Variants in SSBP3 observed in about 807,000 individuals in gnomAD.
SSBP3 encodes single-stranded DNA-binding protein 3.
Under a neutral mutation model 69.6 loss-of-function variants are expected in SSBP3, and 5 were observed. That is an observed-to-expected ratio of 0.07 (90% CI 0.04 to 0.15). The LOEUF (loss-of-function observed/expected upper bound fraction) is 0.15. Among genes scored for constraint, SSBP3 ranks in the 10% least tolerant of loss-of-function variants. The probability of loss-of-function intolerance (pLI) is 1.00; values close to 1 mark genes in which losing one functional copy is unlikely to be tolerated. For missense variants in SSBP3, 312 were observed against 534.0 expected, an observed-to-expected ratio of 0.58 and a Z score of 4.10; for synonymous variants, 196 against 193.4, an observed-to-expected ratio of 1.01 and a Z score of -0.11.
At chr1:54,409,492 G>C (rs1375655163), upstream of SSBP3, among the ~76,000 whole-genome samples, 1 of 152,020 alleles carries the variant, frequency 6.6e-6, no homozygotes, top group Non-Finnish European at 1.5e-5. Flanking sequence ...CAGGCACCAG[G>C]AGCCCCCAGG....
rs1413303720 is a variant in SSBP3, at chr1:54,235,288, T to G, written c.927+3841A>C. 7.1e-3 allele frequency among the ~76,000 whole-genome samples: 741 copies of G among 105,062 alleles called. 4 individuals carry two copies. Among genetic ancestry groups the G allele is most frequent in the African/African-American group, 0.025 (709 of 28,694 alleles). The allele number at this position is 105,062 out of a possible 152,430, so 68.9% of individuals were successfully genotyped here. On this transcript the variant is annotated intron_variant, in intron 14 of 17. Transcript: ENST00000610401. Reference sequence around the variant, plus strand: ...AAGATGTCCAGTTTTTTTTTTTTTTTTTTTTTTTTTTGAGACAGAGTCTCA... The same window carrying G: ...AAGATGTCCAGTTTTTTTTTTTTTTGTTTTTTTTTTTGAGACAGAGTCTCA...
At chr1:54,262,974 C>CT (rs1645041137) in intron 5 of SSBP3, among the ~76,000 whole-genome samples, 1 of 152,218 alleles carries the variant, frequency 6.6e-6, no homozygotes, top group Admixed American at 6.5e-5. Context: ...CCCAAGATCT[C>CT]TGAGTGGAGA....
At chr1:54,241,757 G>C (rs1243937680) in intron 11 of SSBP3, among the ~76,000 whole-genome samples, 1 of 152,218 alleles carries the variant, frequency 6.6e-6, no homozygotes, top group Non-Finnish European at 1.5e-5. Flanking sequence ...ACACAGGGAG[G>C]ACATAGAAGG....
At chr1:54,388,030 A>T (rs1648213384) in intron 4 of SSBP3, among the ~76,000 whole-genome samples, 1 of 152,258 alleles carries the variant, frequency 6.6e-6, no homozygotes, top group South Asian at 2.1e-4. Flanking sequence ...GAAGAAAAAT[A>T]AATTCAACAC....
At chr1:54,391,848 C>G (rs1219248320) in intron 4 of SSBP3, among the ~76,000 whole-genome samples, 1 of 152,116 alleles carries the variant, frequency 6.6e-6, no homozygotes, top group Admixed American at 6.5e-5. Context: ...CCTGTTCAGA[C>G]GCAAGCTCCA....
intron 4 of SSBP3, among the ~76,000 whole-genome samples, chr1:54,354,121 G>C (rs934997738): frequency 1.3e-5 from 2 of 152,202 alleles, no homozygotes; most frequent in South Asian, 2.1e-4. Flanking sequence ...TCTGCAACCT[G>C]ATCTTATCTA....
chr1:54,272,464 G>A (rs1369647614), intron 5 of SSBP3, among the ~76,000 whole-genome samples: 1 of 151,022 alleles, frequency 6.6e-6, no homozygotes, highest in East Asian at 1.9e-4. Context: ...CTGCTACAAG[G>A]GCTAAGGAAT....
chr1:54,249,173 T>C (rs934719250), intron 9 of SSBP3, among the ~76,000 whole-genome samples: 1 of 152,230 alleles, frequency 6.6e-6, no homozygotes, highest in Non-Finnish European at 1.5e-5. Flanking sequence ...CAGCACACCC[T>C]GCTGCTCTCA....
chr1:54,366,266 C>G (rs528349942), intron 4 of SSBP3, among the ~76,000 whole-genome samples: 1 of 152,144 alleles, frequency 6.6e-6, no homozygotes, highest in African/African-American at 2.4e-5. Context: ...CTAACTATAC[C>G]CATTCCTGCA....
intron 6 of SSBP3, chr1:54,257,413 A>C: frequency 1.9e-6 from 1 of 520,832 alleles, no homozygotes; most frequent in Non-Finnish European, 3.3e-6. Flanking sequence ...GTGGAGATCT[A>C]CTCTGGGTGG....
rs796316229 is a variant in SSBP3 at position 54,316,661 on chromosome 1, A to T, written c.277-35134T>A. Reference sequence around the variant, plus strand: ...AGACTCCGTCTCAAAAAAAAAAAATAAAATAAATAAATAAATAAATAAATA... The same window carrying T: ...AGACTCCGTCTCAAAAAAAAAAAATTAAATAAATAAATAAATAAATAAATA... On this transcript the variant is annotated intron_variant, in intron 4 of 17. Transcript: ENST00000610401. Among the ~76,000 whole-genome samples, 15 of 60,992 alleles carry T rather than the reference A, an allele frequency of 2.5e-4. 2 individuals carry two copies. Among genetic ancestry groups the T allele is most frequent in the African/African-American group, 1.0e-3 (7 of 6,800 alleles). The allele number at this position is 60,992 out of a possible 152,430, so 40.0% of individuals were successfully genotyped here. A position where few individuals can be genotyped will look rare whatever the true frequency, so the allele number is the denominator to read the frequency against.
chr1:54,294,141 T>C (rs1433048914), intron 4 of SSBP3, among the ~76,000 whole-genome samples: 1 of 9,908 alleles, frequency 1.0e-4, no homozygotes, highest in Non-Finnish European at 1.8e-4. Flanking sequence ...AGACTCCATC[T>C]CAAAAAAAAA....
chr1:54,260,219 G>C lies in SSBP3; in HGVS notation c.367-2070C>G, dbSNP rs559319243. On this transcript the variant is annotated intron_variant, in intron 5 of 17. Coordinates refer to ENST00000610401, the Ensembl canonical transcript of SSBP3. ...AAAGAAATATGAAAAGAACAGAGGA[G>C]GAAGGTTCAAGGGTAAGGTCCAGTT... is the stretch of plus-strand genomic sequence containing the variant. Among the ~76,000 whole-genome samples the C allele has an allele frequency of 2.6e-5, 4 of 152,352 alleles. No homozygotes were observed. The South Asian group carries it at 8.3e-4, about 32-fold the overall frequency.
At chr1:54,264,110 G>A (rs1645061721) in intron 5 of SSBP3, among the ~76,000 whole-genome samples, 1 of 152,154 alleles carries the variant, frequency 6.6e-6, no homozygotes, top group Admixed American at 6.6e-5. Flanking sequence ...AGACCAGCCT[G>A]GGCAGTATGG....
chr1:54,317,642 C>T (rs1646137700), intron 4 of SSBP3, among the ~76,000 whole-genome samples: 1 of 152,162 alleles, frequency 6.6e-6, no homozygotes. Flanking sequence ...AGAAGTCACT[C>T]AGGATAATAG....
chr1:54,337,790 C>T (rs745863867), intron 4 of SSBP3, among the ~76,000 whole-genome samples: 1 of 152,032 alleles, frequency 6.6e-6, no homozygotes, highest in African/African-American at 2.4e-5. Context: ...CCACCATGCC[C>T]GGCCTCCTCA....
chr1:54,227,845 G>T (rs575353300), intron 17 of SSBP3, among the ~76,000 whole-genome samples: 1 of 152,354 alleles, frequency 6.6e-6, no homozygotes, highest in East Asian at 1.9e-4. Context: ...TTCTTCAAAT[G>T]AGAATGCACA....
intron 7 of SSBP3, among the ~76,000 whole-genome samples, chr1:54,253,355 C>A (rs1274641853): frequency 6.6e-6 from 1 of 151,730 alleles, no homozygotes; most frequent in African/African-American, 2.4e-5. Flanking sequence ...TCACACCCGG[C>A]TAATTTTTAA....
At chr1:54,338,935 C>G (rs1357291694) in intron 4 of SSBP3, among the ~76,000 whole-genome samples, 2 of 152,176 alleles carry the variant, frequency 1.3e-5, no homozygotes, top group Non-Finnish European at 2.9e-5. Context: ...CAAGAAATCC[C>G]CAAATAGGAT....
Sources: allele counts gnomAD v4.1 joint callset (sites outside exome capture counted in the v4.1 genomes callset), GRCh38; gene constraint gnomAD v4.1.1; transcripts MANE v1.5; gene names NCBI Gene and HGNC (gene_info 2026-07-23, HGNC 2026-07-21).